Variants in ZNF200 observed in about 807,000 individuals in gnomAD.
The protein encoded by ZNF200 is zinc finger protein 200.
ZNF200 carries 35 observed loss-of-function variants against 33.6 expected under a neutral mutation model. The ratio of observed to expected loss-of-function variants is 1.04; its 90% CI spans 0.80 to 1.38. ZNF200 has a LOEUF of 1.38. Among genes scored for constraint, ZNF200 ranks in the 40% most tolerant of loss-of-function variants. ZNF200 has a pLI of 0.00. For synonymous variants in ZNF200, 209 were observed against 167.7 expected, an observed-to-expected ratio of 1.25 and a Z score of -1.90; for missense variants, 592 against 470.6, an observed-to-expected ratio of 1.26 and a Z score of -2.39.
rs1015339926 is a variant in ZNF200 at position 3,222,396 on chromosome 16, T to G, written c.*1496A>C. The G allele has an allele frequency of 6.6e-6, 1 of 152,146 alleles. No individual in the cohort carries two copies. Among genetic ancestry groups the G allele is most frequent in the African/African-American group, 2.4e-5 (1 of 41,426 alleles). 9.4% of individuals were successfully genotyped at this position (152,146 alleles called of 1,614,324 possible). A position where few individuals can be genotyped will look rare whatever the true frequency, so the allele number is the denominator to read the frequency against. On this transcript the variant is annotated 3_prime_UTR_variant, in exon 5 of 5. Transcript: ENST00000414144. Reference sequence around the variant, plus strand: ...AGTTAACAGAACTAAACCAACAAACTATTGAAAATTAACAACAGTGAGATG... The same window carrying G: ...AGTTAACAGAACTAAACCAACAAACGATTGAAAATTAACAACAGTGAGATG...
At chr16:3,227,349 A>G (rs1300664171) in intron 4 of ZNF200, 2 of 152,150 alleles carry the variant, frequency 1.3e-5, no homozygotes, top group African/African-American at 4.8e-5. Context: ...AATCACTCAT[A>G]TTTTCTAAAT....
At chr16:3,231,197 T>C (rs190163527) in intron 4 of ZNF200, among the ~76,000 whole-genome samples, 3 of 152,168 alleles carry the variant, frequency 2.0e-5, no homozygotes, top group African/African-American at 4.8e-5. Flanking sequence ...AGGCAATATA[T>C]CCACTAACCA....
In ZNF200 at chr16:3,224,070, T is replaced by G; in HGVS notation, c.1010A>C (p.Lys337Thr). The change falls in exon 5 of 5, where the codon AAG becomes ACG. Residue 337 changes from lysine (K) to threonine (T), a missense_variant. Physicochemically the swap from Lys to Thr is moderately conservative, Grantham distance 78. Coordinates refer to ENST00000414144, the MANE Select transcript of ZNF200 (RefSeq NM_198088.3). The stretch of plus-strand genomic sequence containing the variant: ...GAAGGTTTTCCCACATTCTGGACAC[T>G]TAAATATCTTCTCCCTTATATGGAT... Reference protein sequence around the residue: ...EGIHIREKIFKCPECGKTFPK... With the variant: ...EGIHIREKIFTCPECGKTFPK... 6.2e-7 allele frequency: 1 copy of G among 1,614,188 alleles called. No individual in the cohort carries two copies. Among genetic ancestry groups the G allele is most frequent in the Non-Finnish European group, 8.5e-7 (1 of 1,180,038 alleles).
At chr16:3,228,491 T>TA (rs1958537352) in intron 4 of ZNF200, among the ~76,000 whole-genome samples, 6 of 151,052 alleles carry the variant, frequency 4.0e-5, no homozygotes, top group Admixed American at 3.9e-4. Context: ...GTATTATTTC[T>TA]GTTTTTTTAA....
At chr16:3,224,835 G>T in intron 4 of ZNF200, 1 of 555,674 alleles carries the variant, frequency 1.8e-6, no homozygotes, top group East Asian at 3.1e-5. Context: ...AATAAAATGA[G>T]TGGGATTTCA....
At chr16:3,224,665 C>G (rs1188214199) in intron 4 of ZNF200, 52 bp from the exon 5 acceptor site, 2 of 1,515,482 alleles carry the variant, frequency 1.3e-6, no homozygotes, top group African/African-American at 1.4e-5. Context: ...CAACACCAGG[C>G]AGGAAAAAAC....
intron 4 of ZNF200, among the ~76,000 whole-genome samples, chr16:3,230,602 C>A (rs1272032988): frequency 6.6e-6 from 1 of 152,188 alleles, no homozygotes; most frequent in Non-Finnish European, 1.5e-5. Flanking sequence ...CACACACATT[C>A]TCTGTTTCCC....
At chr16:3,230,199 G>A (rs550791805) in intron 4 of ZNF200, among the ~76,000 whole-genome samples, 12 of 152,280 alleles carry the variant, frequency 7.9e-5, no homozygotes, top group East Asian at 1.9e-4. Flanking sequence ...AGACGCTGAC[G>A]CCATGCTTCT....
chr16:3,223,759 G>GC lies in ZNF200; in HGVS notation c.*132dup. 1 of 1,335,968 alleles carries GC rather than the reference G, an allele frequency of 7.5e-7. No homozygotes were observed. The highest frequency in any genetic ancestry group is 1.5e-5 in the South Asian group (1 of 65,478). 82.8% of individuals were successfully genotyped at this position (1,335,968 alleles called of 1,614,324 possible). A position where few individuals can be genotyped will look rare whatever the true frequency, so the allele number is the denominator to read the frequency against. On this transcript the variant is annotated 3_prime_UTR_variant, in exon 5 of 5. Coordinates refer to ENST00000414144, the MANE Select transcript of ZNF200 (RefSeq NM_198088.3). ...CAATTTGAGGTTTTAGCTAAGATGG[G>GC]CATTTATCCAATTTTGGCAATAATG...
chr16:3,222,802 A>G lies in ZNF200; in HGVS notation c.*1090T>C, dbSNP rs2141607860. 6.6e-6 allele frequency: 1 copy of G among 152,356 alleles called. No homozygotes were observed. Among genetic ancestry groups the G allele is most frequent in the Non-Finnish European group, 1.5e-5 (1 of 68,048 alleles). 9.4% of individuals were successfully genotyped at this position (152,356 alleles called of 1,614,324 possible). On this transcript the variant is annotated 3_prime_UTR_variant, in exon 5 of 5. Coordinates refer to ENST00000414144, the MANE Select transcript of ZNF200 (RefSeq NM_198088.3). ...GGATATCAAGAGGCTGAAGACAATT[A>G]ATACCCACTACAATGAAGACACCTG...
chr16:3,227,987 CAAG>C (rs1182961538), intron 4 of ZNF200, among the ~76,000 whole-genome samples: 1 of 151,878 alleles, frequency 6.6e-6, no homozygotes, highest in Non-Finnish European at 1.5e-5. Flanking sequence ...AATAAATCAA[CAAG>C]AGGAGAAATG....
chr16:3,230,055 C>G (rs532260102), intron 4 of ZNF200, among the ~76,000 whole-genome samples: 2 of 152,340 alleles, frequency 1.3e-5, no homozygotes, highest in South Asian at 4.1e-4. Context: ...TAAGTGATTT[C>G]TCACTCTTAG....
chr16:3,229,475 A>G (rs1411063613), intron 4 of ZNF200, among the ~76,000 whole-genome samples: 1 of 152,166 alleles, frequency 6.6e-6, no homozygotes, highest in African/African-American at 2.4e-5. Flanking sequence ...CAATTTCCAT[A>G]GAGAAAATTG....
Position 3,223,881 on chromosome 16 carries a change from G to A in ZNF200, c.*11C>T. 6.3e-7 allele frequency: 1 copy of A among 1,597,014 alleles called. No homozygotes were observed. The highest frequency in any genetic ancestry group is 8.5e-7 in the Non-Finnish European group (1 of 1,171,536). On this transcript the variant is annotated 3_prime_UTR_variant, in exon 5 of 5. Transcript: ENST00000414144. ...AGGCAGCACCATCAGACCCAGAAAG[G>A]GTTCCCAGTATTACTTCTGCTTTCG...
In ZNF200 at chr16:3,232,552, A is replaced by G; in HGVS notation, c.340-5T>C. ...ATCCTCAAAGACCACCAGCTCCTGA[A>G]AGAGCAAGAGGCCCCTTTCATCTTA... On this transcript the variant is annotated splice_polypyrimidine_tract_variant and splice_region_variant and intron_variant, in intron 3 of 4. Coordinates refer to ENST00000414144, the MANE Select transcript of ZNF200 (RefSeq NM_198088.3). 6.2e-7 allele frequency: 1 copy of G among 1,613,224 alleles called. No individual in the cohort carries two copies. Among genetic ancestry groups the G allele is most frequent in the Non-Finnish European group, 8.5e-7 (1 of 1,179,902 alleles).
Position 3,224,602 on chromosome 16 carries a change from T to A in ZNF200, c.478A>T (p.Ser160Cys). ...GEMMLLAVNG[S>C]NPEGEDPERE... is the part of the protein sequence containing the mutation. ...TCAGGATCTTCACCTTCAGGATTACTGCCATTGACTGCTGAAACAAAGAGA... is the reference window on the plus strand; with the variant it reads ...TCAGGATCTTCACCTTCAGGATTACAGCCATTGACTGCTGAAACAAAGAGA... Residue 160 changes from serine to cysteine, a missense_variant, in exon 5 of 5, where the codon AGT becomes TGT. Physicochemically the swap from Ser to Cys is moderately radical, Grantham distance 112 (BLOSUM62 -1). Transcript: ENST00000414144. 1 of 1,589,560 alleles carries A rather than the reference T, an allele frequency of 6.3e-7. No individual in the cohort carries two copies. Among genetic ancestry groups the A allele is most frequent in the East Asian group, 2.2e-5 (1 of 44,468 alleles).
chr16:3,227,365 T>C (rs990850890), intron 4 of ZNF200: 2 of 152,260 alleles, frequency 1.3e-5, no homozygotes, highest in African/African-American at 4.8e-5. Context: ...TAAATGTGCT[T>C]TTTATATTTG....
chr16:3,235,027 G>A lies in ZNF200; in HGVS notation c.-122C>T, dbSNP rs552597421. On this transcript the variant is annotated 5_prime_UTR_variant, in exon 1 of 5. Transcript: ENST00000414144. ...CAGCCCCTGAGCGTTTGCTGGGGAC[G>A]GCTCAGAGACTCAGGCTCCGGGAGA... is the stretch of plus-strand genomic sequence containing the variant. 8 of 152,350 alleles carry A rather than the reference G, an allele frequency of 5.3e-5. No individual in the cohort carries two copies. The East Asian group carries it at 1.5e-3, about 29-fold the overall frequency. 9.4% of individuals were successfully genotyped at this position (152,350 alleles called of 1,614,324 possible).
Position 3,232,875 on chromosome 16 carries a change from C to G in ZNF200, c.297G>C (p.Lys99Asn), listed in dbSNP as rs1176823744. The change falls in exon 3 of 5, where the codon AAG (lysine) becomes AAC (asparagine). Residue 99 changes from lysine (K) to asparagine (N), a missense_variant. Transcript: ENST00000414144. ...AATACAGAGACACTGTCTCTTGTTCCTTTTGGACTCCTTTGGGCAGAAGCT... is the reference window on the plus strand; with the variant it reads ...AATACAGAGACACTGTCTCTTGTTCGTTTTGGACTCCTTTGGGCAGAAGCT... Reference protein sequence around the residue: ...LVKLLPKGVQKEQETVSLYLK... With the variant: ...LVKLLPKGVQNEQETVSLYLK... The G allele has an allele frequency of 6.2e-7, 1 of 1,613,710 alleles. No individual in the cohort carries two copies. Among genetic ancestry groups the G allele is most frequent in the Non-Finnish European group, 8.5e-7 (1 of 1,179,860 alleles).
Sources: allele counts gnomAD v4.1 joint callset (sites outside exome capture counted in the v4.1 genomes callset), GRCh38; gene constraint gnomAD v4.1.1; transcripts MANE v1.5; gene names NCBI Gene and HGNC (gene_info 2026-07-23, HGNC 2026-07-21).